NUDC: variants seen among roughly 807,000 people sequenced by gnomAD.
The protein encoded by NUDC is nuclear migration protein nudC.
In NUDC, 14 loss-of-function variants were observed where a neutral mutation model predicts 45.0. The observed-to-expected ratio is 0.31, with a 90% CI of 0.21 to 0.49. The LOEUF (loss-of-function observed/expected upper bound fraction) is 0.49. Among genes scored for constraint, NUDC ranks in the 20% least tolerant of loss-of-function variants. The pLI is 0.99. For synonymous variants in NUDC, 153 were observed against 156.7 expected (o/e 0.98, Z 0.17); for missense variants, 323 against 426.2 (o/e 0.76, Z 2.13).
At chr1:26,922,154 A>G (rs10493037) in intron 1 of NUDC, 81,876 of 589,694 alleles carry the variant, frequency 0.14, 6,362 homozygotes, top group African/African-American at 0.22. Flanking sequence ...AAATTATCGC[A>G]TCCCTGAGCT....
At chr1:26,928,022 G>A (rs2082148721) in intron 2 of NUDC, among the ~76,000 whole-genome samples, 1 of 152,010 alleles carries the variant, frequency 6.6e-6, no homozygotes, top group Non-Finnish European at 1.5e-5. Context: ...AAATACAAAA[G>A]CACTTTTAGT....
chr1:26,930,565 C>T lies in NUDC; in HGVS notation c.159+6399C>T, dbSNP rs574369389. ...CTGTACAAAAAATAGAAAATCATAG[C>T]CAAGAGTGGTGGCACAAGCCTGTAG... On this transcript the variant is annotated intron_variant, in intron 2 of 8. Transcript: ENST00000321265. 2.6e-5 allele frequency among the ~76,000 whole-genome samples: 4 copies of T among 152,160 alleles called. No individual in the cohort carries two copies. The East Asian group carries it at 7.7e-4, about 29-fold the overall frequency.
At chr1:26,925,316 G>A (rs569177928) in intron 2 of NUDC, among the ~76,000 whole-genome samples, 1 of 151,098 alleles carries the variant, frequency 6.6e-6, no homozygotes, top group Non-Finnish European at 1.5e-5. Flanking sequence ...CGAGGCTGGC[G>A]GATCACGAGG....
intron 2 of NUDC, among the ~76,000 whole-genome samples, chr1:26,929,461 G>A (rs1301006941): frequency 5.3e-5 from 8 of 151,924 alleles, no homozygotes; most frequent in Non-Finnish European, 7.4e-5. Flanking sequence ...ACTTACATCC[G>A]TAGCAGTTAC....
chr1:26,922,211 T>G (rs1304118123), intron 1 of NUDC: 1 of 529,874 alleles, frequency 1.9e-6, no homozygotes, highest in Non-Finnish European at 3.4e-6. Context: ...CCGTTTCCAC[T>G]TTGATGGCGG....
Position 26,922,654 on chromosome 1 carries a change from C to G in NUDC, c.81+725C>G, listed in dbSNP as rs546377566. Among the ~76,000 whole-genome samples, 9 of 152,338 alleles carry G rather than the reference C, an allele frequency of 5.9e-5. No individual in the cohort carries two copies. The East Asian group carries it at 1.5e-3, about 26-fold the overall frequency. On this transcript the variant is annotated intron_variant, in intron 1 of 8. Transcript: ENST00000321265. ...GTAGAAAAGTCTGTCAGGATCAGAA[C>G]TCTCATTCTCAGAGCCAGAGAAGTG...
chr1:26,913,409 C>G (rs201991593), intron 3 of NUDC: 4 of 1,614,034 alleles, frequency 2.5e-6, no homozygotes, highest in Non-Finnish European at 2.5e-6. Flanking sequence ...GGGAGCTCAC[C>G]GGGGTTGAAG....
chr1:26,941,904 C>T, intron 4 of NUDC, 86 bp downstream of exon 4: 2 of 1,245,652 alleles, frequency 1.6e-6, no homozygotes, highest in Admixed American at 3.7e-5. Flanking sequence ...CTGGAATACC[C>T]TTCCTTATCC....
intron 2 of NUDC, among the ~76,000 whole-genome samples, chr1:26,906,564 C>A (rs149143425): frequency 3.3e-5 from 5 of 151,664 alleles, no homozygotes; most frequent in Non-Finnish European, 5.9e-5. Flanking sequence ...ATAAATGTTA[C>A]GTGGGCCGGG....
Position 26,941,677 on chromosome 1 carries a change from C to A in NUDC, c.363+17C>A. On this transcript the variant is annotated intron_variant, in intron 3 of 8. Transcript: ENST00000321265. ...ATTGACCAGGTGAAGGGTGGGCTTC[C>A]CTTCTCCACCCCTCAGATCCCCCCT... The A allele has an allele frequency of 6.2e-7, 1 of 1,612,654 alleles. No individual in the cohort carries two copies. The highest frequency in any genetic ancestry group is 8.5e-7 in the Non-Finnish European group (1 of 1,179,338).
At position 26,911,962 on chromosome 1, in the gene NUDC, G is replaced by A. The variant is rs1489763753; in HGVS notation, c.93+727G>A. On this transcript the variant is annotated intron_variant, in intron 3 of 6. Coordinates refer to the NUDC transcript ENST00000435827. ...GAATGGACTTGAGGGTGGAGGCCGT[G>A]AGGAGGACACGGGTCAGGCGGCCTT... 1.9e-6 allele frequency: 3 copies of A among 1,614,124 alleles called. No individual in the cohort carries two copies. In the African/African-American group the frequency reaches 4.0e-5, roughly 22 times the overall value.
At chr1:26,919,079 C>CTT (rs71010304), upstream of NUDC, among the ~76,000 whole-genome samples, 901 of 147,354 alleles carry the variant, frequency 6.1e-3, 14 homozygotes, top group Non-Finnish European at 6.6e-3. Flanking sequence ...CATCCAGCTA[C>CTT]TTTTTTTTTT....
chr1:26,903,409 T>TA (rs931984292), intron 2 of NUDC, among the ~76,000 whole-genome samples: 10 of 152,266 alleles, frequency 6.6e-5, no homozygotes, highest in African/African-American at 2.2e-4. Context: ...TATGAAACAA[T>TA]AGAGTTCATT....
intron 8 of NUDC, 83 bp from the exon 9 acceptor site, chr1:26,946,047 T>G: frequency 2.9e-6 from 4 of 1,375,190 alleles, no homozygotes; most frequent in Non-Finnish European, 4.2e-6. Context: ...CTAAAGAGAT[T>G]AGACTTGACA....
intron 2 of NUDC, among the ~76,000 whole-genome samples, chr1:26,909,037 C>T (rs2082014261): frequency 6.6e-6 from 1 of 151,866 alleles, no homozygotes; most frequent in Non-Finnish European, 1.5e-5. Flanking sequence ...TGCAGTGGTG[C>T]GATCTCGGCT....
chr1:26,920,319 C>T (rs2082082692), upstream of NUDC, among the ~76,000 whole-genome samples: 1 of 151,988 alleles, frequency 6.6e-6, no homozygotes, highest in South Asian at 2.1e-4. Context: ...GTGAAAACCC[C>T]TCTACTAAAA....
intron 1 of NUDC, chr1:26,922,171 C>T (rs1199786376): frequency 3.4e-6 from 2 of 579,978 alleles, no homozygotes; most frequent in East Asian, 2.9e-5. Flanking sequence ...AGCTTAGGAT[C>T]CCCCTTTAGT....
chr1:26,913,629 A>T, intron 3 of NUDC: 1 of 1,614,052 alleles, frequency 6.2e-7, no homozygotes, highest in Non-Finnish European at 8.5e-7. Flanking sequence ...CAAAGGTCAC[A>T]GCATCTTGGG....
intron 1 of NUDC, chr1:26,900,478 C>G (rs369888326): frequency 3.2e-5 from 49 of 1,544,396 alleles, no homozygotes; most frequent in Non-Finnish European, 4.2e-5. Flanking sequence ...AACCAAGTCT[C>G]GCGAGAACAC....
Sources: gnomAD v4.1 joint callset for allele counts (sites outside exome capture counted in the v4.1 genomes callset) on GRCh38, gnomAD v4.1.1 for gene constraint, MANE v1.5 for transcripts, NCBI Gene and HGNC (gene_info 2026-07-23, HGNC 2026-07-21) for gene names.